Variants in UBE2G1 observed in about 807,000 individuals in gnomAD.
UBE2G1 encodes the protein ubiquitin-conjugating enzyme E2 G1.
A neutral mutation model predicts 22.7 loss-of-function variants in UBE2G1; 5 were observed. The ratio of observed to expected loss-of-function variants is 0.22; its 90% CI spans 0.12 to 0.46. The LOEUF is 0.46. Among genes scored for constraint, UBE2G1 ranks in the 20% least tolerant of loss-of-function variants. The probability of loss-of-function intolerance (pLI) is 0.99; values close to 1 mark genes in which losing one functional copy is unlikely to be tolerated. For synonymous variants in UBE2G1, 74 were observed against 67.5 expected, an observed-to-expected ratio of 1.10 and a Z score of -0.47; for missense variants, 88 against 203.9, an observed-to-expected ratio of 0.43 and a Z score of 3.46.
At chr17:4,347,617 G>C (rs7214726) in intron 1 of UBE2G1, among the ~76,000 whole-genome samples, 1 of 151,592 alleles carries the variant, frequency 6.6e-6, no homozygotes, top group African/African-American at 2.4e-5. Flanking sequence ...TGCAACTACA[G>C]GCAAATGCCA....
chr17:4,316,146 G>C (rs1299396623), intron 1 of UBE2G1, among the ~76,000 whole-genome samples: 1 of 152,014 alleles, frequency 6.6e-6, no homozygotes, highest in East Asian at 1.9e-4. Flanking sequence ...CTTCTACAAA[G>C]CCAAATACAA....
intron 1 of UBE2G1, among the ~76,000 whole-genome samples, chr17:4,321,477 C>CT: frequency 6.6e-6 from 1 of 151,900 alleles, no homozygotes; most frequent in African/African-American, 2.4e-5. Flanking sequence ...TTTGGATGGG[C>CT]TTTTTAAGCA....
At chr17:4,312,868 G>T (rs1019184780) in intron 1 of UBE2G1, among the ~76,000 whole-genome samples, 1 of 152,036 alleles carries the variant, frequency 6.6e-6, no homozygotes, top group African/African-American at 2.4e-5. Context: ...GTTGCCCTCG[G>T]CATAAGCAGT....
At chr17:4,343,650 G>C (rs953154392) in intron 1 of UBE2G1, among the ~76,000 whole-genome samples, 14 of 150,856 alleles carry the variant, frequency 9.3e-5, no homozygotes, top group Non-Finnish European at 2.1e-4. Context: ...GTGTGGTGGC[G>C]CAATCTCGGC....
chr17:4,304,682 A>G (rs1458414220), intron 2 of UBE2G1, among the ~76,000 whole-genome samples: 1 of 152,130 alleles, frequency 6.6e-6, no homozygotes, highest in African/African-American at 2.4e-5. Context: ...ATTTTGGTAC[A>G]GTATTTCTAT....
chr17:4,301,489 A>G, intron 2 of UBE2G1: 1 of 863,354 alleles, frequency 1.2e-6, no homozygotes, highest in Non-Finnish European at 2.0e-6. Flanking sequence ...GCTGCCCTTC[A>G]GACTCAGGAT....
chr17:4,330,929 C>T (rs1326486733), intron 1 of UBE2G1, among the ~76,000 whole-genome samples: 2 of 142,936 alleles, frequency 1.4e-5, no homozygotes, highest in African/African-American at 5.4e-5. Flanking sequence ...GCCAAAATAG[C>T]CATAAAAAAT....
intron 2 of UBE2G1, chr17:4,301,469 TA>T (rs1295808215): frequency 1.3e-6 from 1 of 782,938 alleles, no homozygotes; most frequent in African/African-American, 1.7e-5. Context: ...ATTTTTGCTA[TA>T]ATAATCCTGC....
chr17:4,322,957 C>T (rs1406305068), intron 1 of UBE2G1, among the ~76,000 whole-genome samples: 2 of 152,136 alleles, frequency 1.3e-5, no homozygotes, highest in African/African-American at 4.8e-5. Flanking sequence ...TGGTGAGCAG[C>T]TCAGTTGCAA....
chr17:4,338,781 T>A (rs1353866778), intron 1 of UBE2G1, among the ~76,000 whole-genome samples: 1 of 152,200 alleles, frequency 6.6e-6, no homozygotes, highest in Non-Finnish European at 1.5e-5. Context: ...ATAGAATAGA[T>A]GCCGATCAAT....
intron 1 of UBE2G1, among the ~76,000 whole-genome samples, chr17:4,364,880 C>T (rs545523342): frequency 2.6e-5 from 4 of 152,368 alleles, no homozygotes; most frequent in Non-Finnish European, 4.4e-5. Flanking sequence ...GCGCGCCCGG[C>T]CTCAGTGCTT....
chr17:4,362,800 T>C (rs1479954442), intron 1 of UBE2G1, among the ~76,000 whole-genome samples: 1 of 152,142 alleles, frequency 6.6e-6, no homozygotes, highest in East Asian at 1.9e-4. Flanking sequence ...AGGCGGAGGT[T>C]GCAGTGAACT....
intron 5 of UBE2G1, among the ~76,000 whole-genome samples, chr17:4,273,117 G>C (rs928825734): frequency 1.3e-5 from 2 of 152,108 alleles, no homozygotes; most frequent in African/African-American, 2.4e-5. Flanking sequence ...TGTTGGCCTC[G>C]TATCATCCAG....
At chr17:4,291,147 G>A (rs540733045) in intron 3 of UBE2G1, among the ~76,000 whole-genome samples, 29 of 152,220 alleles carry the variant, frequency 1.9e-4, no homozygotes, top group African/African-American at 6.7e-4. Context: ...GATCACCTGC[G>A]GTCAGGAGTT....
At chr17:4,274,839 C>T (rs963742088) in intron 5 of UBE2G1, among the ~76,000 whole-genome samples, 1 of 151,514 alleles carries the variant, frequency 6.6e-6, no homozygotes, top group African/African-American at 2.4e-5. Flanking sequence ...GATTGTTAGA[C>T]ACCAGGAGTT....
intron 1 of UBE2G1, 89 bp downstream of exon 1, chr17:4,366,182 C>T (rs1040158885): frequency 4.6e-5 from 63 of 1,384,596 alleles, no homozygotes; most frequent in Non-Finnish European, 5.5e-5. Context: ...TTCGGCAGTA[C>T]GGCCGCTGGC....
At chr17:4,284,852 T>C (rs2143688563) in intron 4 of UBE2G1, among the ~76,000 whole-genome samples, 1 of 122,710 alleles carries the variant, frequency 8.1e-6, no homozygotes, top group Non-Finnish European at 1.7e-5. Flanking sequence ...TTTTTTTTTT[T>C]TTTTTTTTTG....
chr17:4,347,064 G>A (rs1474536484), intron 1 of UBE2G1, among the ~76,000 whole-genome samples: 3 of 151,906 alleles, frequency 2.0e-5, no homozygotes, highest in Non-Finnish European at 4.4e-5. Flanking sequence ...GAGGCAGGAG[G>A]ATCGCTTGAG....
chr17:4,337,303 T>C (rs1270870780), intron 1 of UBE2G1, among the ~76,000 whole-genome samples: 2 of 133,234 alleles, frequency 1.5e-5, no homozygotes, highest in African/African-American at 3.0e-5. Context: ...TTCATGCCAC[T>C]ACACTCTAAT....
Sources: allele counts gnomAD v4.1 joint callset (sites outside exome capture counted in the v4.1 genomes callset), GRCh38; gene constraint gnomAD v4.1.1; transcripts MANE v1.5; gene names NCBI Gene and HGNC (gene_info 2026-07-23, HGNC 2026-07-21).